The following RPH3A variants were observed in gnomAD, a reference collection of about 807,000 sequenced individuals.
The protein encoded by RPH3A is rabphilin 3A.
Under a neutral mutation model 102.2 loss-of-function variants are expected in RPH3A, and 48 were observed. The ratio of observed to expected loss-of-function variants is 0.47; its 90% confidence interval spans 0.37 to 0.60. The LOEUF (loss-of-function observed/expected upper bound fraction) is 0.60, where lower values mean the gene tolerates loss of function less well. Ranked by LOEUF, RPH3A falls within the 20% of genes least tolerant of loss-of-function variation. The probability of loss-of-function intolerance (pLI) is 0.00; values close to 1 mark genes in which losing one functional copy is unlikely to be tolerated. For synonymous variants in RPH3A, 310 were observed against 324.3 expected (o/e 0.96, Z 0.47); for missense variants, 781 against 910.1 (o/e 0.86, Z 1.83).
chr12:112,651,181 G>A (rs899744628), intron 1 of RPH3A, among the ~76,000 whole-genome samples: 14 of 151,624 alleles, frequency 9.2e-5, no homozygotes, highest in African/African-American at 3.2e-4. Flanking sequence ...GCAACATGGC[G>A]AAACCCCGTT....
intron 5 of RPH3A, among the ~76,000 whole-genome samples, chr12:112,861,514 C>A (rs972529555): frequency 4.6e-5 from 7 of 152,214 alleles, no homozygotes; most frequent in African/African-American, 1.7e-4. Flanking sequence ...CTGTACATGG[C>A]ACGTGGCTGT....
chr12:112,854,549 G>A (rs1311188656), intron 5 of RPH3A, among the ~76,000 whole-genome samples: 1 of 152,250 alleles, frequency 6.6e-6, no homozygotes, highest in East Asian at 1.9e-4. Context: ...CAGTTAATAA[G>A]TGGTGGGGAC....
intron 1 of RPH3A, among the ~76,000 whole-genome samples, chr12:112,777,057 G>A (rs1404190598): frequency 4.6e-5 from 7 of 152,082 alleles, no homozygotes; most frequent in Admixed American, 4.6e-4. Flanking sequence ...GTGAAGTCAC[G>A]TTGCAAGGGG....
chr12:112,691,729 G>A (rs2040308681), intron 1 of RPH3A, among the ~76,000 whole-genome samples: 2 of 152,198 alleles, frequency 1.3e-5, no homozygotes, highest in South Asian at 4.1e-4. Flanking sequence ...CTCATTAAAT[G>A]AGATAAGGCC....
chr12:112,846,761 T>C (rs1219369427), intron 4 of RPH3A, among the ~76,000 whole-genome samples: 1 of 152,162 alleles, frequency 6.6e-6, no homozygotes, highest in Non-Finnish European at 1.5e-5. Flanking sequence ...TCATGGACCA[T>C]GGTGTTAGTG....
At chr12:112,715,313 C>G (rs2040505839) in intron 1 of RPH3A, among the ~76,000 whole-genome samples, 1 of 152,110 alleles carries the variant, frequency 6.6e-6, no homozygotes, top group Admixed American at 6.6e-5. Flanking sequence ...CCATATAACC[C>G]CCAGACCTTC....
In RPH3A at chr12:112,712,222, C is replaced by T. The variant is rs761678266; in HGVS notation, c.-139-79921C>T. On this transcript the variant is annotated intron_variant, in intron 1 of 21. Coordinates refer to the RPH3A transcript ENST00000543106. ...TAAAGAAAACACACACACGCATGCA[C>T]GCACGCAGGCACGCACGTAATCCAC... Among the ~76,000 whole-genome samples the T allele has an allele frequency of 1.5e-4, 23 of 152,104 alleles. 1 individual carries two copies. Among genetic ancestry groups the T allele is most frequent in the East Asian group, 3.9e-4 (2 of 5,186 alleles).
At chr12:112,885,940 G>A (rs1360474962) in intron 16 of RPH3A, among the ~76,000 whole-genome samples, 1 of 152,112 alleles carries the variant, frequency 6.6e-6, no homozygotes, top group East Asian at 1.9e-4. Context: ...ATTCCTATAA[G>A]TGGTGCTACA....
chr12:112,787,960 G>A (rs1013019653), upstream of RPH3A, among the ~76,000 whole-genome samples: 1 of 152,238 alleles, frequency 6.6e-6, no homozygotes, highest in Admixed American at 6.5e-5. Context: ...TCTTCGCAAT[G>A]TTCTATCATT....
chr12:112,696,081 A>G (rs532035591), intron 1 of RPH3A, among the ~76,000 whole-genome samples: 1 of 152,294 alleles, frequency 6.6e-6, no homozygotes, highest in Non-Finnish European at 1.5e-5. Flanking sequence ...GCAAGAGCAT[A>G]CTATATTTGG....
intron 1 of RPH3A, among the ~76,000 whole-genome samples, chr12:112,602,856 T>C (rs2039569066): frequency 6.6e-6 from 1 of 152,060 alleles, no homozygotes; most frequent in Admixed American, 6.6e-5. Context: ...TCTTTCCATC[T>C]TAGGTTCATG....
chr12:112,865,342 A>C (rs116408561), intron 5 of RPH3A, 72 bp from the exon 6 acceptor site: 5 of 1,564,322 alleles, frequency 3.2e-6, no homozygotes, highest in African/African-American at 2.7e-5. Flanking sequence ...AAGACTATCA[A>C]CCTGACACTG....
intron 1 of RPH3A, among the ~76,000 whole-genome samples, chr12:112,659,379 A>T (rs1732442726): frequency 6.6e-6 from 1 of 152,162 alleles, no homozygotes; most frequent in South Asian, 2.1e-4. Context: ...ACTTTTGAAG[A>T]TTATGGGCCA....
intron 1 of RPH3A, among the ~76,000 whole-genome samples, chr12:112,691,390 G>A (rs1472160856): frequency 2.0e-5 from 3 of 152,118 alleles, no homozygotes; most frequent in African/African-American, 7.2e-5. Flanking sequence ...GAGGAATAAG[G>A]CCATTTACCA....
rs542743161 is a variant in RPH3A, at chr12:112,675,302, C to G, written c.-140+99983C>G. ...CATCTCTTGGAGGTTCACAAAGGAC[C>G]AAAAATGCTAGAACAAGTGCTAGAG... On this transcript the variant is annotated intron_variant, in intron 1 of 21. Transcript: ENST00000543106. Among the ~76,000 whole-genome samples, 5 of 152,190 alleles carry G rather than the reference C, an allele frequency of 3.3e-5. No individual in the cohort carries two copies. The South Asian group carries it at 1.0e-3, about 32-fold the overall frequency.
At chr12:112,785,615 A>C (rs1230418224) in intron 1 of RPH3A, among the ~76,000 whole-genome samples, 1 of 152,174 alleles carries the variant, frequency 6.6e-6, no homozygotes, top group Non-Finnish European at 1.5e-5. Flanking sequence ...GCTCTGCTCT[A>C]AGTGCTTTAA....
At position 112,682,653 on chromosome 12, in the gene RPH3A, G is replaced by A. The variant is rs143139626; in HGVS notation, c.-140+107334G>A. On this transcript the variant is annotated intron_variant, in intron 1 of 21. Coordinates refer to the RPH3A transcript ENST00000543106. The stretch of plus-strand genomic sequence containing the variant: ...GCCATCCCTTAGAACTTTGGAGAGC[G>A]TCATCCAGCCAGCAGCAGAGAGATG... 9.3e-4 allele frequency among the ~76,000 whole-genome samples: 141 copies of A among 152,190 alleles called. 1 individual carries two copies. In the Middle Eastern group the frequency reaches 0.014, roughly 15 times the overall value.
At chr12:112,827,569 G>C (rs975277175) in intron 2 of RPH3A, among the ~76,000 whole-genome samples, 1 of 152,218 alleles carries the variant, frequency 6.6e-6, no homozygotes, top group Admixed American at 6.5e-5. Flanking sequence ...GGCAGGGATA[G>C]TGGCAGTTTG....
chr12:112,599,351 A>T (rs972696905), intron 1 of RPH3A, among the ~76,000 whole-genome samples: 2 of 152,204 alleles, frequency 1.3e-5, no homozygotes, highest in African/African-American at 4.8e-5. Context: ...ACTGAATTTA[A>T]ATTAATACAT....
Sources: allele counts gnomAD v4.1 joint callset (sites outside exome capture counted in the v4.1 genomes callset), GRCh38; gene constraint gnomAD v4.1.1; transcripts MANE v1.5; gene names NCBI Gene and HGNC (gene_info 2026-07-23, HGNC 2026-07-21).